ZNF286A: variants seen among roughly 807,000 people sequenced by gnomAD.
ZNF286A encodes the protein zinc finger protein ZNF286.
ZNF286A carries 34 observed loss-of-function variants against 49.3 expected under a neutral mutation model. That is an observed-to-expected ratio of 0.69 (90% CI 0.52 to 0.92). ZNF286A has a LOEUF of 0.92. Among genes scored for constraint, ZNF286A ranks in the 40% least tolerant of loss-of-function variants. ZNF286A has a pLI of 0.00. For missense variants in ZNF286A, 462 were observed against 600.2 expected (o/e 0.77, Z 2.41); for synonymous variants, 155 against 200.4 (o/e 0.77, Z 1.91).
intron 5 of ZNF286A, among the ~76,000 whole-genome samples, chr17:15,714,229 G>A (rs1034575376): frequency 6.0e-5 from 9 of 150,854 alleles, no homozygotes; most frequent in African/African-American, 2.2e-4. Flanking sequence ...AAGAATACAA[G>A]GACTACTAGT....
At chr17:15,711,848 T>TAAA (rs1990670083) in intron 5 of ZNF286A, among the ~76,000 whole-genome samples, 1 of 149,002 alleles carries the variant, frequency 6.7e-6, no homozygotes, top group Admixed American at 6.7e-5. Flanking sequence ...AATTTGCATT[T>TAAA]ATCTGTAATC....
Position 15,718,655 on chromosome 17 carries a change from T to G in ZNF286A, c.*1365T>G, listed in dbSNP as rs1175282460. 1 of 151,334 alleles carries G rather than the reference T, an allele frequency of 6.6e-6. No homozygotes were observed. Among genetic ancestry groups the G allele is most frequent in the Non-Finnish European group, 1.5e-5 (1 of 67,940 alleles). The allele number at this position is 151,334 out of a possible 1,614,324, so 9.4% of individuals were successfully genotyped here. Reference sequence around the variant, plus strand: ...CAGGATAGTCCTCAACTGACTTGCTTGAGGATAAGCAGCTTCCCTTCGTGA... The same window carrying G: ...CAGGATAGTCCTCAACTGACTTGCTGGAGGATAAGCAGCTTCCCTTCGTGA... On this transcript the variant is annotated 3_prime_UTR_variant, in exon 6 of 6. Coordinates refer to ENST00000583566, the MANE Select transcript of ZNF286A (RefSeq NM_001130842.2).
chr17:15,716,521 C>G lies in ZNF286A; in HGVS notation c.797C>G (p.Thr266Ser). 6.2e-7 allele frequency: 1 copy of G among 1,614,114 alleles called. No individual in the cohort carries two copies. The highest frequency in any genetic ancestry group is 8.5e-7 in the Non-Finnish European group (1 of 1,180,002). The change falls in exon 6 of 6, where the codon ACT becomes AGT. Residue 266 changes from threonine to serine, a missense_variant. By Grantham distance (58) the Thr-to-Ser change is moderately conservative. Coordinates refer to ENST00000583566, the MANE Select transcript of ZNF286A (RefSeq NM_001130842.2). ...SVLIRHQRVH[T>S]GEKPYTCNEC... The stretch of plus-strand genomic sequence containing the variant: ...CTTATTCGACACCAGAGAGTCCATA[C>G]TGGAGAGAAACCCTATACCTGCAAT...
intron 4 of ZNF286A, among the ~76,000 whole-genome samples, chr17:15,707,021 G>A (rs556292077): frequency 6.6e-6 from 1 of 152,290 alleles, no homozygotes; most frequent in South Asian, 2.1e-4. Flanking sequence ...TGAGTACTCT[G>A]TGGCCAGTTT....
intron 5 of ZNF286A, 189 bp from the exon 6 acceptor site, chr17:15,715,870 T>C: frequency 7.0e-7 from 1 of 1,422,084 alleles, no homozygotes; most frequent in Non-Finnish European, 9.3e-7. Flanking sequence ...AGGATGTACT[T>C]ATTTTCTCTG....
At chr17:15,711,915 A>C (rs1990692691) in intron 5 of ZNF286A, among the ~76,000 whole-genome samples, 1 of 111,216 alleles carries the variant, frequency 9.0e-6, no homozygotes, top group Non-Finnish European at 1.7e-5. Flanking sequence ...TCTATTGCCC[A>C]GGCTGGAGTG....
intron 5 of ZNF286A, among the ~76,000 whole-genome samples, chr17:15,713,873 T>C (rs2530074): frequency 6.6e-6 from 1 of 152,160 alleles, no homozygotes; most frequent in African/African-American, 2.4e-5. Context: ...GTCCTTGATA[T>C]GACAGGTTCA....
rs769130407 is a variant in ZNF286A at position 15,716,199 on chromosome 17, G to T, written c.475G>T (p.Glu159Ter). 1.2e-6 allele frequency: 2 copies of T among 1,613,862 alleles called. No individual in the cohort carries two copies. Among genetic ancestry groups the T allele is most frequent in the Non-Finnish European group, 1.7e-6 (2 of 1,179,828 alleles). ...DSNLEAALECENWLENQQGNQ... is the reference protein window; with the variant it reads ...DSNLEAALEC Reference sequence around the variant, plus strand: ...TAACTTGGAAGCAGCCCTTGAATGTGAAAATTGGTTAGAGAATCAGCAAGG... The same window carrying T: ...TAACTTGGAAGCAGCCCTTGAATGTTAAAATTGGTTAGAGAATCAGCAAGG... The change falls in exon 6 of 6, where the codon GAA becomes TAA. Residue 159 changes from glutamate (E) to a stop codon, truncating the protein, a stop_gained. Transcript: ENST00000583566. LOFTEE classifies it high-confidence loss of function.
At chr17:15,707,389 G>C (rs1353923801) in intron 4 of ZNF286A, among the ~76,000 whole-genome samples, 1 of 148,232 alleles carries the variant, frequency 6.7e-6, no homozygotes, top group Admixed American at 6.7e-5. Flanking sequence ...GCAGTGAGCC[G>C]AGATTGCGCC....
chr17:15,713,931 A>G (rs1471409031), intron 5 of ZNF286A, among the ~76,000 whole-genome samples: 1 of 152,038 alleles, frequency 6.6e-6, no homozygotes, highest in Non-Finnish European at 1.5e-5. Flanking sequence ...AAGTTAGATA[A>G]CATAGTTTGC....
Position 15,716,354 on chromosome 17 carries a change from T to C in ZNF286A, c.630T>C (p.Val210=). ...QKSVLITEDR[V]PKGSYAFHTL... Reference sequence around the variant, plus strand: ...CTGTCCTTATCACTGAAGACAGAGTTCCCAAAGGATCTTATGCCTTCCATA... The same window carrying C: ...CTGTCCTTATCACTGAAGACAGAGTCCCCAAAGGATCTTATGCCTTCCATA... Residue 210 remains valine, a synonymous_variant, in exon 6 of 6, where the codon GTT becomes GTC. Coordinates refer to ENST00000583566, the MANE Select transcript of ZNF286A (RefSeq NM_001130842.2). 3.7e-6 allele frequency: 6 copies of C among 1,613,798 alleles called. No individual in the cohort carries two copies. The highest frequency in any genetic ancestry group is 4.2e-6 in the Non-Finnish European group (5 of 1,179,862).
chr17:15,705,798 T>C (rs955276865), intron 3 of ZNF286A, among the ~76,000 whole-genome samples: 2 of 152,248 alleles, frequency 1.3e-5, no homozygotes, highest in African/African-American at 2.4e-5. Flanking sequence ...TATAGAAGTA[T>C]AATCTTACGA....
At chr17:15,708,283 G>A in intron 5 of ZNF286A, 36 bp downstream of exon 5, 3 of 1,513,212 alleles carry the variant, frequency 2.0e-6, no homozygotes, top group African/African-American at 1.4e-5. Flanking sequence ...ATAAATGATA[G>A]CCCAGCAGGA....
chr17:15,714,829 A>G (rs1312621344), intron 5 of ZNF286A, among the ~76,000 whole-genome samples: 2 of 152,114 alleles, frequency 1.3e-5, no homozygotes, highest in Non-Finnish European at 2.9e-5. Context: ...AGATAGATGA[A>G]TGAATATAAT....
intron 4 of ZNF286A, 21 bp downstream of exon 4, chr17:15,706,522 T>C: frequency 6.4e-7 from 1 of 1,552,996 alleles, no homozygotes; most frequent in Non-Finnish European, 8.8e-7. Flanking sequence ...ATTGTGATTC[T>C]GGAATCTGCT....
At chr17:15,706,288 A>C in intron 3 of ZNF286A, 99 bp from the exon 4 acceptor site, 2 of 850,982 alleles carry the variant, frequency 2.4e-6, no homozygotes, top group Non-Finnish European at 3.9e-6. Flanking sequence ...TTCCCCTCTT[A>C]AGTGCATCTC....
chr17:15,705,758 A>G (rs1297992225), intron 3 of ZNF286A, among the ~76,000 whole-genome samples: 2 of 152,202 alleles, frequency 1.3e-5, no homozygotes, highest in Admixed American at 6.5e-5. Flanking sequence ...ATATGTATCT[A>G]TCTCCTTATG....
rs1374610597 is a variant in ZNF286A at position 15,720,014 on chromosome 17, G to A, written c.*2724G>A. On this transcript the variant is annotated 3_prime_UTR_variant, in exon 6 of 6. Coordinates refer to ENST00000583566, the MANE Select transcript of ZNF286A (RefSeq NM_001130842.2). Reference sequence around the variant, plus strand: ...TGAGTGAAGAGGAATTCATTTGAGAGCCAAAATTTGACTAAGGAAAGAAGA... The same window carrying A: ...TGAGTGAAGAGGAATTCATTTGAGAACCAAAATTTGACTAAGGAAAGAAGA... The A allele has an allele frequency of 6.6e-6, 1 of 152,184 alleles. No individual in the cohort carries two copies. The highest frequency in any genetic ancestry group is 2.4e-5 in the African/African-American group (1 of 41,440). 9.4% of individuals were successfully genotyped at this position (152,184 alleles called of 1,614,324 possible).
At chr17:15,703,076 T>C (rs1989910714) in intron 3 of ZNF286A, among the ~76,000 whole-genome samples, 1 of 152,140 alleles carries the variant, frequency 6.6e-6, no homozygotes, top group Non-Finnish European at 1.5e-5. Context: ...CTGGATGAGA[T>C]ATTGGCCAAA....
Sources: gnomAD v4.1 joint callset for allele counts (sites outside exome capture counted in the v4.1 genomes callset) on GRCh38, gnomAD v4.1.1 for gene constraint, MANE v1.5 for transcripts, NCBI Gene and HGNC (gene_info 2026-07-23, HGNC 2026-07-21) for gene names.